Variants in ERC1 observed in about 807,000 individuals in gnomAD.
ERC1 encodes the protein ELKS/RAB6-interacting/CAST family member 1.
A neutral mutation model predicts 132.0 loss-of-function variants in ERC1; 56 were observed. The ratio of observed to expected loss-of-function variants is 0.42; its 90% CI spans 0.34 to 0.53. The LOEUF (loss-of-function observed/expected upper bound fraction) is 0.53, where lower values mean the gene tolerates loss of function less well. Ranked by LOEUF, ERC1 falls within the 20% of genes least tolerant of loss-of-function variation. The pLI, the probability that ERC1 is intolerant of heterozygous loss-of-function variation, is 0.03. For synonymous variants in ERC1, 478 were observed against 476.1 expected (o/e 1.00, Z -0.05); for missense variants, 1,202 against 1,349.9 (o/e 0.89, Z 1.72).
At chr12:1,016,234 A>G (rs558951757) in intron 1 of ERC1, among the ~76,000 whole-genome samples, 38 of 152,250 alleles carry the variant, frequency 2.5e-4, no homozygotes, top group Non-Finnish European at 4.7e-4. Flanking sequence ...TGGGTGGTAT[A>G]TTACATTTTC....
chr12:1,121,709 G>C lies in ERC1; in HGVS notation c.1569+5676G>C, dbSNP rs78410674. Among the ~76,000 whole-genome samples the C allele has an allele frequency of 9.4e-3, 296 of 31,390 alleles. 12 individuals are homozygous for C. The highest frequency in any genetic ancestry group is 0.028 in the African/African-American group (222 of 8,046). 20.6% of individuals were successfully genotyped at this position (31,390 alleles called of 152,430 possible). On this transcript the variant is annotated intron_variant, in intron 7 of 18. Coordinates refer to ENST00000360905, the MANE Select transcript of ERC1 (RefSeq NM_178040.4). ...TCTATCTCTATCTCTATCTCTATCT[G>C]TGTCTCTATCTCTATCTCTATCTCT...
chr12:1,379,467 G>C (rs900493039), intron 16 of ERC1, among the ~76,000 whole-genome samples: 3 of 152,156 alleles, frequency 2.0e-5, no homozygotes, highest in Non-Finnish European at 2.9e-5. Flanking sequence ...ATCTTTCCAG[G>C]TCTTCCAGTT....
intron 18 of ERC1, among the ~76,000 whole-genome samples, chr12:1,453,862 T>C (rs1368772636): frequency 6.6e-6 from 1 of 152,232 alleles, no homozygotes; most frequent in African/African-American, 2.4e-5. Flanking sequence ...TGTGATATAA[T>C]AAGAAATACA....
chr12:990,537 A>C (rs1415608172), upstream of ERC1: 1 of 152,174 alleles, frequency 6.6e-6, no homozygotes, highest in African/African-American at 2.4e-5. Flanking sequence ...ATTTCCGCCC[A>C]CGCTCCCCGC....
chr12:1,300,554 G>A (rs1225819825), intron 15 of ERC1, among the ~76,000 whole-genome samples: 1 of 152,024 alleles, frequency 6.6e-6, no homozygotes, highest in Non-Finnish European at 1.5e-5. Context: ...TTTCCAAATT[G>A]TGTGACAAAG....
At chr12:1,009,795 G>A (rs1309004762) in intron 1 of ERC1, among the ~76,000 whole-genome samples, 1 of 152,050 alleles carries the variant, frequency 6.6e-6, no homozygotes, top group Non-Finnish European at 1.5e-5. Flanking sequence ...ATTGATGAGT[G>A]TTCATTATAA....
At chr12:1,336,608 G>A (rs1353439952) in intron 15 of ERC1, among the ~76,000 whole-genome samples, 1 of 152,140 alleles carries the variant, frequency 6.6e-6, no homozygotes, top group Non-Finnish European at 1.5e-5. Context: ...GCTGCGGTCT[G>A]AGAGAGTGTT....
At chr12:1,166,269 C>G (rs1378336165) in intron 8 of ERC1, among the ~76,000 whole-genome samples, 1 of 152,148 alleles carries the variant, frequency 6.6e-6, no homozygotes, top group African/African-American at 2.4e-5. Flanking sequence ...GAATAAGTCT[C>G]ACGAGATCTG....
intron 18 of ERC1, among the ~76,000 whole-genome samples, chr12:1,482,083 C>G (rs2094103960): frequency 6.6e-6 from 1 of 152,142 alleles, no homozygotes; most frequent in African/African-American, 2.4e-5. Flanking sequence ...CTCGCTGAAA[C>G]TGTGTAATGG....
At chr12:1,270,974 T>C (rs1254344167) in intron 14 of ERC1, among the ~76,000 whole-genome samples, 1 of 152,108 alleles carries the variant, frequency 6.6e-6, no homozygotes, top group Non-Finnish European at 1.5e-5. Flanking sequence ...TCAAGTATGG[T>C]ATTTGTATTT....
intron 15 of ERC1, among the ~76,000 whole-genome samples, chr12:1,364,825 A>G (rs2086500961): frequency 1.3e-5 from 2 of 152,228 alleles, no homozygotes; most frequent in South Asian, 2.1e-4. Flanking sequence ...CTTACACAAT[A>G]TCTCTGATAA....
intron 14 of ERC1, among the ~76,000 whole-genome samples, chr12:1,275,337 AT>A (rs1443971101): frequency 6.6e-6 from 1 of 152,092 alleles, no homozygotes; most frequent in Non-Finnish European, 1.5e-5. Context: ...AAAATACCAA[AT>A]TTAGCTGGGC....
chr12:1,147,873 A>T (rs1306877272), intron 8 of ERC1, among the ~76,000 whole-genome samples: 2 of 152,144 alleles, frequency 1.3e-5, no homozygotes, highest in Non-Finnish European at 2.9e-5. Context: ...TGGTGACATG[A>T]TGGATTATCA....
intron 1 of ERC1, among the ~76,000 whole-genome samples, chr12:1,012,936 C>T (rs899536375): frequency 1.3e-5 from 2 of 152,076 alleles, no homozygotes; most frequent in Admixed American, 1.3e-4. Context: ...CTGACCCAGT[C>T]CAGGTCTGGT....
intron 14 of ERC1, among the ~76,000 whole-genome samples, chr12:1,269,868 C>G: frequency 6.6e-6 from 1 of 152,210 alleles, no homozygotes; most frequent in Non-Finnish European, 1.5e-5. Context: ...ACTCTCCTGA[C>G]TCTTACTATC....
At position 1,152,226 on chromosome 12, in the gene ERC1, G is replaced by GC. The variant is rs1950903140; in HGVS notation, c.1737+10440dup. On this transcript the variant is annotated intron_variant, in intron 8 of 18. Coordinates refer to ENST00000360905, the MANE Select transcript of ERC1 (RefSeq NM_178040.4). ...AAAAAGAAAAAAAAAAAAAAGCTCA[G>GC]CAAGATGAAGATGTCTTAATATGGT... The GC allele has an allele frequency of 2.6e-5, 4 of 151,030 alleles. No individual in the cohort carries two copies. The South Asian group carries it at 8.3e-4, about 31-fold the overall frequency. The allele number at this position is 151,030 out of a possible 1,614,324, so 9.4% of individuals were successfully genotyped here. A position where few individuals can be genotyped will look rare whatever the true frequency, so the allele number is the denominator to read the frequency against.
At chr12:996,249 C>CTTTTT (rs35403554) in intron 1 of ERC1, among the ~76,000 whole-genome samples, 19 of 43,766 alleles carry the variant, frequency 4.3e-4, no homozygotes, top group Non-Finnish European at 6.5e-4. Context: ...CCATGCCTGG[C>CTTTTT]TTTTTTTTTT....
intron 15 of ERC1, among the ~76,000 whole-genome samples, chr12:1,316,122 C>G (rs769188260): frequency 6.6e-6 from 1 of 152,100 alleles, no homozygotes; most frequent in Non-Finnish European, 1.5e-5. Flanking sequence ...CTCCTGACCT[C>G]GTGATCCACC....
At chr12:1,060,619 C>T (rs1360689823) in intron 2 of ERC1, among the ~76,000 whole-genome samples, 2 of 152,118 alleles carry the variant, frequency 1.3e-5, no homozygotes, top group African/African-American at 2.4e-5. Context: ...CCCTGATAAA[C>T]CCATCAGATC....
Sources: allele counts gnomAD v4.1 joint callset (sites outside exome capture counted in the v4.1 genomes callset), GRCh38; gene constraint gnomAD v4.1.1; transcripts MANE v1.5; gene names NCBI Gene and HGNC (gene_info 2026-07-23, HGNC 2026-07-21).